Variants in RPRD2 observed in about 807,000 individuals in gnomAD.
RPRD2 encodes the protein regulation of nuclear pre-mRNA domain-containing protein 2.
A neutral mutation model predicts 104.4 loss-of-function variants in RPRD2; 12 were observed. The observed-to-expected ratio is 0.11, with a 90% CI of 0.07 to 0.19. The LOEUF is 0.19. Among genes scored for constraint, RPRD2 ranks in the 10% least tolerant of loss-of-function variants. RPRD2 has a pLI of 1.00. For synonymous variants in RPRD2, 714 were observed against 684.9 expected (o/e 1.04, Z -0.66); for missense variants, 1,543 against 1,790.1 (o/e 0.86, Z 2.49).
intron 1 of RPRD2, among the ~76,000 whole-genome samples, chr1:150,405,862 T>A (rs1157739214): frequency 6.6e-6 from 1 of 152,194 alleles, no homozygotes; most frequent in Non-Finnish European, 1.5e-5. Context: ...TTAGTGCCCC[T>A]GTTATATTGA....
chr1:150,382,347 T>G (rs1661200168), intron 1 of RPRD2, among the ~76,000 whole-genome samples: 1 of 152,162 alleles, frequency 6.6e-6, no homozygotes, highest in Non-Finnish European at 1.5e-5. Context: ...ATTGAGAACT[T>G]AAGAATTTTT....
At chr1:150,445,328 A>G (rs1179092933) in intron 6 of RPRD2, among the ~76,000 whole-genome samples, 5 of 152,236 alleles carry the variant, frequency 3.3e-5, no homozygotes, top group Non-Finnish European at 5.9e-5. Flanking sequence ...TACACAACTG[A>G]TAAGAGGCAA....
At chr1:150,406,715 A>G (rs1663506440) in intron 1 of RPRD2, among the ~76,000 whole-genome samples, 1 of 151,848 alleles carries the variant, frequency 6.6e-6, no homozygotes. Context: ...TTACAAGTAA[A>G]TTCTTTTTTT....
chr1:150,434,976 T>C (rs1254964240), intron 2 of RPRD2, among the ~76,000 whole-genome samples: 1 of 152,206 alleles, frequency 6.6e-6, no homozygotes, highest in Non-Finnish European at 1.5e-5. Flanking sequence ...TGGTTGTTTT[T>C]AGAAACTGAA....
chr1:150,426,669 C>T (rs1665144870), intron 2 of RPRD2, among the ~76,000 whole-genome samples: 1 of 152,092 alleles, frequency 6.6e-6, no homozygotes. Flanking sequence ...ATGTCAAATT[C>T]ATTGTAAGAG....
At chr1:150,464,472 G>A (rs587701473) in intron 9 of RPRD2, 55 bp from the exon 10 acceptor site, 47 of 1,409,964 alleles carry the variant, frequency 3.3e-5, no homozygotes, top group Non-Finnish European at 2.1e-5. Context: ...GGGAAGTATC[G>A]GAAATTGAAG....
chr1:150,431,775 C>G (rs587652917), intron 2 of RPRD2, among the ~76,000 whole-genome samples: 1 of 151,924 alleles, frequency 6.6e-6, no homozygotes, highest in Admixed American at 6.6e-5. Context: ...GCCACTGCGC[C>G]CGGCCAAAAA....
chr1:150,383,086 G>A (rs782673992), intron 1 of RPRD2, among the ~76,000 whole-genome samples: 7 of 151,924 alleles, frequency 4.6e-5, no homozygotes, highest in East Asian at 1.9e-4. Context: ...TTGACATCCC[G>A]GACTCAGTTG....
intron 1 of RPRD2, among the ~76,000 whole-genome samples, chr1:150,374,096 C>A (rs1457598060): frequency 2.0e-5 from 3 of 152,182 alleles, no homozygotes; most frequent in African/African-American, 7.2e-5. Flanking sequence ...TAAGGCAGGA[C>A]TAGAGGTTGT....
chr1:150,402,084 G>A (rs915251362), intron 1 of RPRD2, among the ~76,000 whole-genome samples: 11 of 151,196 alleles, frequency 7.3e-5, no homozygotes, highest in African/African-American at 2.2e-4. Flanking sequence ...TCAGCCTCCC[G>A]AGTGGCTGGG....
At chr1:150,456,627 TA>T (rs149595688) in intron 7 of RPRD2, among the ~76,000 whole-genome samples, 55,580 of 143,582 alleles carry the variant, frequency 0.39, 10,343 homozygotes, top group Non-Finnish European at 0.41. Flanking sequence ...AAATTTTATT[TA>T]AAAAAAAAAA....
chr1:150,366,731 G>T (rs1553877199), intron 1 of RPRD2, among the ~76,000 whole-genome samples: 1 of 152,090 alleles, frequency 6.6e-6, no homozygotes, highest in African/African-American at 2.4e-5. Context: ...TAACGTTCTT[G>T]GTATACCAGT....
intron 1 of RPRD2, among the ~76,000 whole-genome samples, chr1:150,378,539 G>A (rs1660887448): frequency 6.6e-6 from 1 of 152,070 alleles, no homozygotes; most frequent in Non-Finnish European, 1.5e-5. Flanking sequence ...AAACAGCCTT[G>A]CACCTGCCCA....
Position 150,364,932 on chromosome 1 carries a change from G to A in RPRD2, c.205+13G>A. On this transcript the variant is annotated intron_variant, in intron 1 of 10. Coordinates refer to ENST00000369068, the MANE Select transcript of RPRD2 (RefSeq NM_015203.5). ...TGGCTCCGGAGATGTGAGTGTTGGG[G>A]GTGACTAGGGAAGGGAAGACTGGGG... 1 of 1,613,050 alleles carries A rather than the reference G, an allele frequency of 6.2e-7. No individual in the cohort carries two copies. The highest frequency in any genetic ancestry group is 8.5e-7 in the Non-Finnish European group (1 of 1,179,324).
intron 2 of RPRD2, among the ~76,000 whole-genome samples, chr1:150,434,457 A>G (rs1157951569): frequency 1.3e-5 from 2 of 152,230 alleles, no homozygotes; most frequent in African/African-American, 4.8e-5. Context: ...AACTCTTATG[A>G]ATAAAGTTTA....
At chr1:150,369,623 A>ATTTTTTTTTTTTTTTTTTTTTTTTTTT in intron 1 of RPRD2, among the ~76,000 whole-genome samples, 1 of 68,870 alleles carries the variant, frequency 1.5e-5, no homozygotes, top group Non-Finnish European at 3.0e-5. Context: ...CGCCCAGCTA[A>ATTTTTTTTTTTTTTTTTTTTTTTTTTT]TTTTTTTTTT....
At chr1:150,418,255 C>A (rs1166612936) in intron 2 of RPRD2, among the ~76,000 whole-genome samples, 3 of 152,170 alleles carry the variant, frequency 2.0e-5, no homozygotes, top group African/African-American at 7.2e-5. Context: ...GCGTGAGCCA[C>A]TGTGCCTGGC....
At chr1:150,419,372 T>C (rs1664597659) in intron 2 of RPRD2, among the ~76,000 whole-genome samples, 1 of 152,188 alleles carries the variant, frequency 6.6e-6, no homozygotes, top group Admixed American at 6.5e-5. Context: ...TGTCAAATTA[T>C]GGAATATATT....
intron 1 of RPRD2, among the ~76,000 whole-genome samples, chr1:150,381,595 C>T (rs1661135127): frequency 6.6e-6 from 1 of 151,104 alleles, no homozygotes; most frequent in Non-Finnish European, 1.5e-5. Context: ...AGCTCTGCCT[C>T]CTGGGTTCAT....
Sources: allele counts gnomAD v4.1 joint callset (sites outside exome capture counted in the v4.1 genomes callset), GRCh38; gene constraint gnomAD v4.1.1; transcripts MANE v1.5; gene names NCBI Gene and HGNC (gene_info 2026-07-23, HGNC 2026-07-21).